CDK19: variants seen among roughly 807,000 people sequenced by gnomAD.
The protein encoded by CDK19 is cyclin dependent kinase 19, also known as cyclin-dependent kinase 19.
CDK19 carries 20 observed loss-of-function variants against 68.3 expected under a neutral mutation model. The observed-to-expected ratio is 0.29, with a 90% CI of 0.21 to 0.43. The LOEUF is 0.43. Ranked by LOEUF, CDK19 falls within the 20% of genes least tolerant of loss-of-function variation. CDK19 has a pLI of 1.00. For synonymous variants in CDK19, 221 were observed against 222.8 expected (o/e 0.99, Z 0.07); for missense variants, 339 against 623.5 (o/e 0.54, Z 4.86).
At chr6:110,791,994 C>T (rs1160098500) in intron 1 of CDK19, among the ~76,000 whole-genome samples, 9 of 148,450 alleles carry the variant, frequency 6.1e-5, no homozygotes, top group Middle Eastern at 3.5e-3. Context: ...TTTTTTGAGA[C>T]GGAGTCCCAT....
intron 2 of CDK19, among the ~76,000 whole-genome samples, chr6:110,673,242 T>G (rs751868329): frequency 1.3e-5 from 2 of 152,210 alleles, no homozygotes; most frequent in Non-Finnish European, 2.9e-5. Context: ...ATATAATGTC[T>G]TCAAGGTTCA....
At chr6:110,690,353 C>G (rs1772874637) in intron 2 of CDK19, among the ~76,000 whole-genome samples, 2 of 152,186 alleles carry the variant, frequency 1.3e-5, no homozygotes, top group Non-Finnish European at 2.9e-5. Flanking sequence ...AGAAGTGGGT[C>G]TAGGAGATAG....
At chr6:110,640,173 T>C (rs1261374645) in intron 4 of CDK19, among the ~76,000 whole-genome samples, 1 of 142,496 alleles carries the variant, frequency 7.0e-6, no homozygotes, top group Non-Finnish European at 1.5e-5. Flanking sequence ...AGGGTACTAC[T>C]GTGAGCCATG....
chr6:110,735,055 A>G (rs1368730127), intron 2 of CDK19, among the ~76,000 whole-genome samples: 1 of 152,088 alleles, frequency 6.6e-6, no homozygotes, highest in Non-Finnish European at 1.5e-5. Flanking sequence ...GGAAAGGAAA[A>G]TCAGAATGGA....
chr6:110,801,699 G>A (rs537354643), intron 1 of CDK19, among the ~76,000 whole-genome samples: 1 of 152,242 alleles, frequency 6.6e-6, no homozygotes, highest in African/African-American at 2.4e-5. Flanking sequence ...TTTTAGTACA[G>A]ACAGGGTTTC....
At chr6:110,699,029 G>A (rs1773748747) in intron 2 of CDK19, among the ~76,000 whole-genome samples, 1 of 148,574 alleles carries the variant, frequency 6.7e-6, no homozygotes, top group South Asian at 2.2e-4. Flanking sequence ...ACTCCAGCCT[G>A]GGTGACAAAG....
intron 1 of CDK19, among the ~76,000 whole-genome samples, chr6:110,774,294 G>T (rs1780239062): frequency 6.6e-6 from 1 of 151,814 alleles, no homozygotes; most frequent in Non-Finnish European, 1.5e-5. Context: ...ATATGCAGTA[G>T]TCCCCCCTTA....
intron 2 of CDK19, among the ~76,000 whole-genome samples, chr6:110,739,801 T>TTAC (rs1483168429): frequency 2.0e-5 from 3 of 150,398 alleles, no homozygotes; most frequent in African/African-American, 4.9e-5. Context: ...CAGCTAATTA[T>TTAC]TATTATTATT....
intron 4 of CDK19, among the ~76,000 whole-genome samples, chr6:110,654,037 A>G (rs1361031137): frequency 6.6e-6 from 1 of 152,242 alleles, no homozygotes; most frequent in Non-Finnish European, 1.5e-5. Flanking sequence ...ACAATCCTGA[A>G]TAATAGGAAC....
chr6:110,778,997 G>C (rs1406561255), intron 1 of CDK19, among the ~76,000 whole-genome samples: 1 of 152,154 alleles, frequency 6.6e-6, no homozygotes, highest in Non-Finnish European at 1.5e-5. Context: ...CTGGACTTCA[G>C]TGTGAGAAAT....
At chr6:110,712,827 T>A (rs1775044404) in intron 2 of CDK19, among the ~76,000 whole-genome samples, 1 of 152,168 alleles carries the variant, frequency 6.6e-6, no homozygotes, top group Non-Finnish European at 1.5e-5. Context: ...AAGGCATGTA[T>A]GAAACTAACG....
intron 4 of CDK19, chr6:110,645,577 C>A: frequency 5.5e-6 from 1 of 181,388 alleles, no homozygotes; most frequent in Non-Finnish European, 1.2e-5. Flanking sequence ...GATGGGTGGG[C>A]AAGTGGAGGG....
intron 2 of CDK19, among the ~76,000 whole-genome samples, chr6:110,709,019 T>C (rs1774733728): frequency 6.6e-6 from 1 of 152,122 alleles, no homozygotes; most frequent in Non-Finnish European, 1.5e-5. Context: ...GCAAGGCTGG[T>C]TCAACATACG....
chr6:110,808,808 C>G (rs1782860081), intron 1 of CDK19, among the ~76,000 whole-genome samples: 1 of 152,138 alleles, frequency 6.6e-6, no homozygotes, highest in South Asian at 2.1e-4. Context: ...AGTAAAAGCA[C>G]AGAAGACAGA....
Position 110,614,503 on chromosome 6 carries a change from G to A in CDK19, c.*32C>T. ...GACATATTGCTGGAGCCTGTGCTCT[G>A]GGCTGGGCTGGCCTGGCCCAACGGG... On this transcript the variant is annotated 3_prime_UTR_variant, in exon 13 of 13. Coordinates refer to ENST00000368911, the MANE Select transcript of CDK19 (RefSeq NM_015076.5). 3 of 1,606,778 alleles carry A rather than the reference G, an allele frequency of 1.9e-6. No individual in the cohort carries two copies. The highest frequency in any genetic ancestry group is 2.6e-6 in the Non-Finnish European group (3 of 1,174,894).
chr6:110,771,453 G>A (rs765181544), intron 1 of CDK19, among the ~76,000 whole-genome samples: 1 of 152,106 alleles, frequency 6.6e-6, no homozygotes, highest in Non-Finnish European at 1.5e-5. Flanking sequence ...AGGGCACCAA[G>A]TCCCTAGACT....
chr6:110,627,262 G>T, intron 6 of CDK19, 117 bp from the exon 7 acceptor site: 1 of 681,116 alleles, frequency 1.5e-6, no homozygotes, highest in Non-Finnish European at 2.3e-6. Context: ...AGTACAATAA[G>T]TACATTAAGA....
intron 6 of CDK19, among the ~76,000 whole-genome samples, chr6:110,629,018 T>C (rs1165676761): frequency 6.6e-6 from 1 of 152,164 alleles, no homozygotes; most frequent in Non-Finnish European, 1.5e-5. Flanking sequence ...CATGTCATAC[T>C]GGTTGTCACT....
chr6:110,637,554 G>C (rs756467563), intron 5 of CDK19, among the ~76,000 whole-genome samples: 10 of 152,148 alleles, frequency 6.6e-5, no homozygotes, highest in Non-Finnish European at 1.3e-4. Context: ...ATTTGTAGTG[G>C]GTCAAGTGAG....
Sources: allele counts gnomAD v4.1 joint callset (sites outside exome capture counted in the v4.1 genomes callset), GRCh38; gene constraint gnomAD v4.1.1; transcripts MANE v1.5; gene names NCBI Gene and HGNC (gene_info 2026-07-23, HGNC 2026-07-21).